Variants in SOX5 observed in about 807,000 individuals in gnomAD.
SOX5 encodes the protein transcription factor SOX-5.
In SOX5, 9 loss-of-function variants were observed where a neutral mutation model predicts 92.0. The ratio of observed to expected loss-of-function variants is 0.10; its 90% CI spans 0.06 to 0.17. SOX5 has a LOEUF of 0.17. Ranked by LOEUF, SOX5 falls within the 10% of genes least tolerant of loss-of-function variation. The pLI, the probability that SOX5 is intolerant of heterozygous loss-of-function variation, is 1.00. For synonymous variants in SOX5, 344 were observed against 336.3 expected, an observed-to-expected ratio of 1.02 and a Z score of -0.25; for missense variants, 642 against 944.5, an observed-to-expected ratio of 0.68 and a Z score of 4.20.
chr12:24,345,423 T>A (rs942936167), intron 2 of SOX5, among the ~76,000 whole-genome samples: 1 of 152,202 alleles, frequency 6.6e-6, no homozygotes, highest in Non-Finnish European at 1.5e-5. Context: ...CATCTAGCAC[T>A]TTTTCTCTAC....
intron 4 of SOX5, among the ~76,000 whole-genome samples, chr12:24,185,550 C>G (rs941732213): frequency 1.3e-5 from 2 of 152,096 alleles, no homozygotes; most frequent in African/African-American, 4.8e-5. Context: ...TTTGTTTGTT[C>G]TAGGAGGCAA....
intron 1 of SOX5, among the ~76,000 whole-genome samples, chr12:24,374,711 C>T (rs1161095562): frequency 6.6e-6 from 1 of 152,094 alleles, no homozygotes; most frequent in Non-Finnish European, 1.5e-5. Flanking sequence ...GGGTAGAGAC[C>T]AGATTAGGGT....
intron 4 of SOX5, among the ~76,000 whole-genome samples, chr12:24,026,440 T>A (rs1391297063): frequency 6.6e-6 from 1 of 151,802 alleles, no homozygotes; most frequent in Non-Finnish European, 1.5e-5. Flanking sequence ...AGAGAAGATG[T>A]TAACCCTGGC....
At chr12:24,555,459 GA>G (rs1953682971) in intron 1 of SOX5, among the ~76,000 whole-genome samples, 1 of 152,144 alleles carries the variant, frequency 6.6e-6, no homozygotes, top group African/African-American at 2.4e-5. Context: ...CCAATTATAT[GA>G]AATATCCATT....
At chr12:23,848,365 T>C (rs1375620867) in intron 2 of SOX5, among the ~76,000 whole-genome samples, 2 of 152,220 alleles carry the variant, frequency 1.3e-5, no homozygotes, top group Admixed American at 6.5e-5. Context: ...TAAAGTTTAG[T>C]ATATTTCACA....
At chr12:24,363,987 T>A (rs970540590) in intron 2 of SOX5, among the ~76,000 whole-genome samples, 4 of 152,234 alleles carry the variant, frequency 2.6e-5, no homozygotes, top group African/African-American at 9.6e-5. Context: ...ATCAGTTGTC[T>A]GACATGTTTT....
At chr12:24,557,821 C>T (rs942795866) in intron 1 of SOX5, among the ~76,000 whole-genome samples, 9 of 152,120 alleles carry the variant, frequency 5.9e-5, no homozygotes, top group African/African-American at 2.2e-4. Flanking sequence ...TGGACTTATA[C>T]TTGTAGAATT....
chr12:23,689,568 G>T (rs2088350816), intron 6 of SOX5, among the ~76,000 whole-genome samples: 1 of 151,920 alleles, frequency 6.6e-6, no homozygotes. Context: ...CTATTTTTAT[G>T]CTTTTATTGT....
chr12:23,920,080 G>A (rs367831891), intron 1 of SOX5: 2 of 151,670 alleles, frequency 1.3e-5, no homozygotes, highest in Admixed American at 6.6e-5. Flanking sequence ...TTTAATCAGC[G>A]CTATTGCCTA....
At chr12:24,325,492 C>T (rs919171539) in intron 2 of SOX5, among the ~76,000 whole-genome samples, 1 of 152,112 alleles carries the variant, frequency 6.6e-6, no homozygotes, top group African/African-American at 2.4e-5. Flanking sequence ...GCAGGATACA[C>T]AATGAGCCTT....
intron 4 of SOX5, among the ~76,000 whole-genome samples, chr12:23,968,042 T>C (rs757042118): frequency 3.9e-5 from 6 of 152,186 alleles, no homozygotes; most frequent in Non-Finnish European, 8.8e-5. Context: ...TCATTCTCAT[T>C]ATAAAGAATA....
intron 2 of SOX5, among the ~76,000 whole-genome samples, chr12:23,851,011 C>T (rs900528507): frequency 1.3e-4 from 19 of 151,500 alleles, no homozygotes; most frequent in African/African-American, 4.6e-4. Flanking sequence ...AAATATATAC[C>T]TTCATAGAAA....
intron 4 of SOX5, among the ~76,000 whole-genome samples, chr12:23,958,237 T>A (rs1464556521): frequency 1.3e-5 from 2 of 152,052 alleles, no homozygotes; most frequent in East Asian, 3.9e-4. Context: ...CAAATCAACT[T>A]AATAAGCATT....
chr12:24,230,679 A>G (rs1156965768), intron 3 of SOX5: 1 of 152,214 alleles, frequency 6.6e-6, no homozygotes, highest in Non-Finnish European at 1.5e-5. Flanking sequence ...TCAGGGTTCA[A>G]ACTAGAAGAT....
intron 4 of SOX5, among the ~76,000 whole-genome samples, chr12:24,010,499 A>G (rs1952788419): frequency 6.6e-6 from 1 of 152,360 alleles, no homozygotes; most frequent in South Asian, 2.1e-4. Context: ...GCTTTGCCTA[A>G]ATTGCACATA....
intron 8 of SOX5, among the ~76,000 whole-genome samples, 170 bp from the exon 9 acceptor site, chr12:23,604,703 A>C (rs1208234367): frequency 1.3e-5 from 2 of 152,194 alleles, no homozygotes; most frequent in Non-Finnish European, 1.5e-5. Context: ...ATTACTTTTT[A>C]GGGGAGAAAT....
chr12:24,150,794 G>A (rs1282920561), intron 4 of SOX5, among the ~76,000 whole-genome samples: 2 of 151,974 alleles, frequency 1.3e-5, no homozygotes, highest in East Asian at 3.9e-4. Flanking sequence ...CCTTGTTCCT[G>A]GACATGGCAA....
chr12:24,052,979 C>T (rs1957708276), intron 4 of SOX5, among the ~76,000 whole-genome samples: 1 of 152,174 alleles, frequency 6.6e-6, no homozygotes, highest in African/African-American at 2.4e-5. Context: ...CCCATTGTCC[C>T]ATCTTATAAC....
At chr12:23,897,420 C>T (rs2097188492) in intron 1 of SOX5, among the ~76,000 whole-genome samples, 1 of 152,138 alleles carries the variant, frequency 6.6e-6, no homozygotes, top group African/African-American at 2.4e-5. Context: ...GATTCTGTCA[C>T]TTACTAGCTG....
Sources: allele counts gnomAD v4.1 joint callset (sites outside exome capture counted in the v4.1 genomes callset), GRCh38; gene constraint gnomAD v4.1.1; transcripts MANE v1.5; gene names NCBI Gene and HGNC (gene_info 2026-07-23, HGNC 2026-07-21).